RPA3: variants seen among roughly 807,000 people sequenced by gnomAD.
The protein encoded by RPA3 is replication protein A3.
A neutral mutation model predicts 13.7 loss-of-function variants in RPA3; 24 were observed. That is an observed-to-expected ratio of 1.75 (90% CI 1.27 to 2.46). The LOEUF (loss-of-function observed/expected upper bound fraction) is 2.46. Ranked by LOEUF, RPA3 falls within the 30% of genes most tolerant of loss-of-function variation. RPA3 has a pLI of 0.00. For synonymous variants in RPA3, 59 were observed against 51.2 expected (o/e 1.15, Z -0.65); for missense variants, 183 against 151.0 (o/e 1.21, Z -1.11).
intron 4 of RPA3, among the ~76,000 whole-genome samples, chr7:7,678,661 G>T (rs192567954): frequency 7.7e-5 from 8 of 104,422 alleles, no homozygotes; most frequent in Admixed American, 3.0e-4. Context: ...TATATATTTA[G>T]TTTATAAATA....
intron 4 of RPA3, among the ~76,000 whole-genome samples, chr7:7,641,859 G>A (rs113547464): frequency 6.6e-6 from 1 of 152,240 alleles, no homozygotes; most frequent in Non-Finnish European, 1.5e-5. Flanking sequence ...ATTTAAGATT[G>A]GAATCTCATG....
chr7:7,647,023 T>A (rs1785112708), intron 4 of RPA3, among the ~76,000 whole-genome samples: 1 of 152,162 alleles, frequency 6.6e-6, no homozygotes, highest in Admixed American at 6.5e-5. Context: ...GTTACACTAG[T>A]TTTGTGAAAT....
chr7:7,638,098 G>C, intron 6 of RPA3, 126 bp from the exon 7 acceptor site: 2 of 575,398 alleles, frequency 3.5e-6, no homozygotes, highest in South Asian at 2.9e-5. Context: ...AGAATTACCA[G>C]TGTAAAAGTT....
chr7:7,697,115 T>A (rs1780339616), intron 2 of RPA3, among the ~76,000 whole-genome samples: 1 of 152,180 alleles, frequency 6.6e-6, no homozygotes, highest in African/African-American at 2.4e-5. Context: ...TTGTTTTGCT[T>A]TTCTTTTTAT....
intron 2 of RPA3, among the ~76,000 whole-genome samples, chr7:7,702,168 A>G (rs1780478474): frequency 1.3e-5 from 2 of 152,220 alleles, no homozygotes; most frequent in Admixed American, 1.3e-4. Context: ...TATGATAGTC[A>G]TAGCTTGTCT....
chr7:7,640,390 G>C lies in RPA3; in HGVS notation c.29C>G (p.Ser10Trp). 1 of 1,613,990 alleles carries C rather than the reference G, an allele frequency of 6.2e-7. No individual in the cohort carries two copies. The highest frequency in any genetic ancestry group is 1.6e-4 in the Middle Eastern group (1 of 6,062). Reference sequence around the variant, plus strand: ...AGCTAGCATGCCGGCGTTGATGCGCGACCTGGGCAAGTCCATCATGTCCAC... The same window carrying C: ...AGCTAGCATGCCGGCGTTGATGCGCCACCTGGGCAAGTCCATCATGTCCAC... MVDMMDLPR[S>W]RINAGMLAQF... Residue 10 changes from serine to tryptophan, a missense_variant, in exon 5 of 8, where the codon TCG (serine) becomes TGG (tryptophan). Physicochemically the swap from Ser to Trp is radical, Grantham distance 177 (BLOSUM62 -3). Transcript: ENST00000223129.
In RPA3 at chr7:7,639,944, T is replaced by G. The variant is rs549214980; in HGVS notation, c.99+376A>C. 29 of 241,086 alleles carry G rather than the reference T, an allele frequency of 1.2e-4. No individual in the cohort carries two copies. The South Asian group carries it at 1.3e-3, about 11-fold the overall frequency. The allele number at this position is 241,086 out of a possible 1,614,324, so 14.9% of individuals were successfully genotyped here. On this transcript the variant is annotated intron_variant, in intron 5 of 7. Coordinates refer to ENST00000223129, the MANE Select transcript of RPA3 (RefSeq NM_002947.5). The stretch of plus-strand genomic sequence containing the variant: ...AACGAGGAAACGAGGTTTGCAAAAA[T>G]AAGTAATTTCAGAAGAGAAGGAAAC...
intron 4 of RPA3, among the ~76,000 whole-genome samples, chr7:7,685,422 G>A (rs984292071): frequency 6.6e-6 from 1 of 151,170 alleles, no homozygotes. Context: ...CGATTCTCCT[G>A]CCTCAGCCTT....
At chr7:7,697,856 T>A (rs1780357581) in intron 2 of RPA3, among the ~76,000 whole-genome samples, 1 of 152,152 alleles carries the variant, frequency 6.6e-6, no homozygotes, top group East Asian at 1.9e-4. Context: ...AGTTTTTCAG[T>A]TGCTTAAATG....
chr7:7,688,704 G>A lies in RPA3; in HGVS notation c.-1027-1376C>T, dbSNP rs114111847. 5.8e-3 allele frequency among the ~76,000 whole-genome samples: 876 copies of A among 152,068 alleles called. 13 individuals are homozygous for A. Among genetic ancestry groups the A allele is most frequent in the African/African-American group, 0.02 (834 of 41,464 alleles). On this transcript the variant is annotated intron_variant, in intron 2 of 7. Coordinates refer to ENST00000223129, the MANE Select transcript of RPA3 (RefSeq NM_002947.5). ...ATTATTGTTTTGTAATGTTATTTAC[G>A]CCTTTATTTTTGTATGTCTTGCCAA...
chr7:7,651,328 T>A (rs1785219047), intron 4 of RPA3, among the ~76,000 whole-genome samples: 1 of 152,086 alleles, frequency 6.6e-6, no homozygotes, highest in Non-Finnish European at 1.5e-5. Context: ...TTGGCTTGTC[T>A]TTTGGCTGGG....
chr7:7,682,025 T>A (rs1407352288), intron 4 of RPA3, among the ~76,000 whole-genome samples: 1 of 152,156 alleles, frequency 6.6e-6, no homozygotes, highest in Non-Finnish European at 1.5e-5. Flanking sequence ...ACTAATATTG[T>A]TGACCAAATA....
chr7:7,705,841 TC>T (rs1481875823), intron 2 of RPA3, among the ~76,000 whole-genome samples: 2 of 152,122 alleles, frequency 1.3e-5, no homozygotes, highest in Non-Finnish European at 2.9e-5. Flanking sequence ...TAATAAACAT[TC>T]CTTTCTGGTG....
rs796134652 is a variant in RPA3, at chr7:7,712,229, G to A, written c.-1028+2946C>T. On this transcript the variant is annotated intron_variant, in intron 2 of 7. Coordinates refer to ENST00000223129, the MANE Select transcript of RPA3 (RefSeq NM_002947.5). The stretch of plus-strand genomic sequence containing the variant: ...AATAAATAAAAAATGAATAACAGAT[G>A]GATAATCACTCAAACCTACCCACTC... Among the ~76,000 whole-genome samples the A allele has an allele frequency of 4.3e-4, 65 of 152,036 alleles. 1 individual carries two copies. The highest frequency in any genetic ancestry group is 1.5e-3 in the African/African-American group (63 of 41,486).
chr7:7,678,403 G>T (rs1779803443), intron 4 of RPA3, among the ~76,000 whole-genome samples: 2 of 141,042 alleles, frequency 1.4e-5, no homozygotes, highest in South Asian at 2.2e-4. Context: ...TAGCTATTCA[G>T]ATATATAAAA....
chr7:7,657,109 G>T (rs985542250), intron 4 of RPA3, among the ~76,000 whole-genome samples: 3 of 152,114 alleles, frequency 2.0e-5, no homozygotes, highest in Non-Finnish European at 2.9e-5. Flanking sequence ...CTGCATAAAT[G>T]TCTTCTTTTG....
At chr7:7,655,425 T>A (rs1563088873) in intron 4 of RPA3, among the ~76,000 whole-genome samples, 1 of 152,160 alleles carries the variant, frequency 6.6e-6, no homozygotes. Context: ...AAATGAAAAG[T>A]TTCAGTTTGG....
chr7:7,700,702 A>T (rs1780438969), intron 2 of RPA3, among the ~76,000 whole-genome samples: 1 of 152,238 alleles, frequency 6.6e-6, no homozygotes, highest in African/African-American at 2.4e-5. Context: ...AGCCTGGCCA[A>T]CATGGCAAAA....
At chr7:7,670,554 T>C (rs1364567237) in intron 4 of RPA3, among the ~76,000 whole-genome samples, 1 of 152,172 alleles carries the variant, frequency 6.6e-6, no homozygotes. Context: ...TCTCTACTAC[T>C]ATAGGCAAAG....
Sources: allele counts gnomAD v4.1 joint callset (sites outside exome capture counted in the v4.1 genomes callset), GRCh38; gene constraint gnomAD v4.1.1; transcripts MANE v1.5; gene names NCBI Gene and HGNC (gene_info 2026-07-23, HGNC 2026-07-21).